Variants in FRMPD4 observed in about 807,000 individuals in gnomAD.
The protein encoded by FRMPD4 is FERM and PDZ domain containing 4.
Under a neutral mutation model 94.1 loss-of-function variants are expected in FRMPD4, and 22 were observed. The ratio of observed to expected loss-of-function variants is 0.23; its 90% CI spans 0.17 to 0.33. The LOEUF is 0.33. FRMPD4 is among the 10% of genes least tolerant of loss of function. FRMPD4 has a pLI of 1.00. For missense variants in FRMPD4, 1,111 were observed against 1,339.9 expected, an observed-to-expected ratio of 0.83 and a Z score of 2.67; for synonymous variants, 631 against 548.6, an observed-to-expected ratio of 1.15 and a Z score of -2.10.
chrX:12,632,688 G>A (rs2059406734), intron 4 of FRMPD4, among the ~76,000 whole-genome samples: 1 of 110,566 alleles, frequency 9.0e-6, no homozygotes, highest in African/African-American at 3.3e-5. Flanking sequence ...CAGGGAGCAG[G>A]GAGGTAGCAA....
chrX:12,710,571 T>A, intron 14 of FRMPD4, 34 bp downstream of exon 14: 2 of 1,151,977 alleles, frequency 1.7e-6, no homozygotes, highest in Non-Finnish European at 2.4e-6. Flanking sequence ...AGCACTGACC[T>A]CCCTGCAAAC....
Position 12,707,618 on chromosome X carries a change from G to A in FRMPD4, c.1437G>A (p.Leu479=), listed in dbSNP as rs772922418. The A allele has an allele frequency of 8.3e-7, 1 of 1,209,396 alleles. No homozygotes were observed. The highest frequency in any genetic ancestry group is 3.0e-5 in the East Asian group (1 of 33,792). ...AAATGTTTTCCGAGGAGGAGAGCTT[G>A]GTGCGGGTAGAACTCCACGTGCTAG... is the stretch of plus-strand genomic sequence containing the variant. ...RIEMFSEEES[L]VRVELHVLDV... Residue 479 remains leucine, a synonymous_variant, in exon 13 of 17, where the codon TTG becomes TTA. Transcript: ENST00000675598.
rs146381857 is a variant in FRMPD4, at chrX:11,968,198, C to T, written c.95+90180C>T. On this transcript the variant is annotated intron_variant, in intron 3 of 18. Coordinates refer to the FRMPD4 transcript ENST00000640291. ...CCCTTCACCACAGATCCTGCTAGCC[C>T]ATTGTTTGAGCCTTGGATCTAGTTC... Among the ~76,000 whole-genome samples, 23 of 111,413 alleles carry T rather than the reference C, an allele frequency of 2.1e-4. 1 individual carries two copies. In the East Asian group the frequency reaches 6.5e-3, roughly 31 times the overall value.
chrX:12,456,247 CTCTT>C (rs2057332393), intron 1 of FRMPD4, among the ~76,000 whole-genome samples: 1 of 111,853 alleles, frequency 8.9e-6, no homozygotes, highest in African/African-American at 3.2e-5. Context: ...CTTTCTCCAT[CTCTT>C]TCTCTCTCTC....
chrX:12,158,749 T>G (rs1379539899), intron 1 of FRMPD4, among the ~76,000 whole-genome samples: 1 of 112,553 alleles, frequency 8.9e-6, no homozygotes, highest in Non-Finnish European at 1.9e-5. Flanking sequence ...TCATCCATTC[T>G]ACTGCTTATG....
At chrX:12,469,632 G>T (rs1000294989) in intron 1 of FRMPD4, among the ~76,000 whole-genome samples, 2 of 112,007 alleles carry the variant, frequency 1.8e-5, no homozygotes, top group Non-Finnish European at 3.8e-5. Flanking sequence ...TGATTTTTCA[G>T]GTTGAGGTAG....
At chrX:12,515,408 T>G (rs755299555) in intron 2 of FRMPD4, among the ~76,000 whole-genome samples, 1 of 112,120 alleles carries the variant, frequency 8.9e-6, no homozygotes, top group African/African-American at 3.2e-5. Context: ...TCTCATTGGT[T>G]TCAAAGAACT....
chrX:12,397,263 A>G (rs2407838), intron 1 of FRMPD4, among the ~76,000 whole-genome samples: 1 of 107,388 alleles, frequency 9.3e-6, no homozygotes, highest in Non-Finnish European at 1.9e-5. Flanking sequence ...ACTTTTTTTT[A>G]AAAAAAAAAA....
intron 3 of FRMPD4, among the ~76,000 whole-genome samples, chrX:11,886,315 A>C: frequency 8.9e-6 from 1 of 112,112 alleles, no homozygotes; most frequent in Non-Finnish European, 1.9e-5. Flanking sequence ...GATTTCTAGA[A>C]GGAAACAGTG....
intron 1 of FRMPD4, among the ~76,000 whole-genome samples, chrX:12,195,099 A>G (rs1307920402): frequency 8.9e-6 from 1 of 112,317 alleles, no homozygotes; most frequent in African/African-American, 3.2e-5. Flanking sequence ...AAAAATACCG[A>G]CTATACAGAC....
chrX:12,074,041 T>C (rs1295566306), intron 3 of FRMPD4, among the ~76,000 whole-genome samples: 1 of 112,210 alleles, frequency 8.9e-6, no homozygotes, highest in Non-Finnish European at 1.9e-5. Context: ...TAAATTTTCT[T>C]ACTAATTTGT....
At chrX:12,310,969 A>T (rs2055022163) in intron 1 of FRMPD4, among the ~76,000 whole-genome samples, 2 of 112,386 alleles carry the variant, frequency 1.8e-5, no homozygotes, top group South Asian at 7.3e-4. Context: ...TTCAGCTTTT[A>T]TTTTACTATT....
intron 1 of FRMPD4, among the ~76,000 whole-genome samples, chrX:12,483,443 C>T (rs188072621): frequency 4.4e-4 from 49 of 112,089 alleles, no homozygotes; most frequent in Non-Finnish European, 5.6e-5. Context: ...TTAAAATCAT[C>T]AAAACTTTAT....
intron 3 of FRMPD4, among the ~76,000 whole-genome samples, chrX:11,997,189 T>A (rs1277889282): frequency 9.0e-6 from 1 of 111,060 alleles, no homozygotes; most frequent in Non-Finnish European, 1.9e-5. Context: ...AGATAGGGTA[T>A]GACATGAAGG....
intron 1 of FRMPD4, among the ~76,000 whole-genome samples, chrX:12,143,101 CAAT>C (rs2055714253): frequency 8.9e-6 from 1 of 112,293 alleles, no homozygotes; most frequent in African/African-American, 3.2e-5. Flanking sequence ...ACACTTGGCT[CAAT>C]AAGAAAACTC....
chrX:11,896,190 G>C (rs1190494819), intron 3 of FRMPD4, among the ~76,000 whole-genome samples: 1 of 111,341 alleles, frequency 9.0e-6, no homozygotes, highest in Non-Finnish European at 1.9e-5. Flanking sequence ...GCATATTGAA[G>C]TATTTTAAAG....
chrX:12,664,310 G>T (rs1208564051), intron 4 of FRMPD4, among the ~76,000 whole-genome samples: 1 of 112,015 alleles, frequency 8.9e-6, no homozygotes, highest in African/African-American at 3.2e-5. Context: ...TTCAGCTTTT[G>T]CCCATTCAGT....
rs771116026 is a variant in FRMPD4, at chrX:12,720,634, G to A, written c.4065G>A (p.Ser1355=). ...DPILLPSNIH[S]ESKVPIPNQD... ...TCCTGCTACCATCAAACATTCACTC[G>A]GAATCAAAGGTGCCAATTCCAAATC... Residue 1355 remains serine, a synonymous_variant, in exon 17 of 17, where the codon TCG becomes TCA. Transcript: ENST00000675598. 6 of 1,171,861 alleles carry A rather than the reference G, an allele frequency of 5.1e-6. No homozygotes were observed. The highest frequency in any genetic ancestry group is 3.0e-5 in the East Asian group (1 of 32,997).
At chrX:12,182,300 C>T (rs983498973) in intron 1 of FRMPD4, among the ~76,000 whole-genome samples, 1 of 111,442 alleles carries the variant, frequency 9.0e-6, no homozygotes. Context: ...TTCCTTTCCC[C>T]CTGAAGAGTT....
Sources: gnomAD v4.1 joint callset for allele counts (sites outside exome capture counted in the v4.1 genomes callset) on GRCh38, gnomAD v4.1.1 for gene constraint, MANE v1.5 for transcripts, NCBI Gene and HGNC (gene_info 2026-07-23, HGNC 2026-07-21) for gene names.